Variants in TMIGD1 observed in about 807,000 individuals in gnomAD.
The protein encoded by TMIGD1 is transmembrane and immunoglobulin domain containing 1, also known as transmembrane and immunoglobulin domain-containing protein 1.
In TMIGD1, 29 loss-of-function variants were observed where a neutral mutation model predicts 27.5. That is an observed-to-expected ratio of 1.05 (90% confidence interval 0.78 to 1.44). TMIGD1 has a LOEUF of 1.44. Among genes scored for constraint, TMIGD1 ranks in the 40% most tolerant of loss-of-function variants. The pLI, the probability that TMIGD1 is intolerant of heterozygous loss-of-function variation, is 0.00. For missense variants in TMIGD1, 334 were observed against 310.6 expected (o/e 1.08, Z -0.57); for synonymous variants, 109 against 110.3 (o/e 0.99, Z 0.07).
In TMIGD1 at chr17:30,329,351, G is replaced by T; in HGVS notation, c.261C>A (p.Val87=). ...KSGNKINSSS[V]CVSSISENDN... ...CATTTTCACTGATGGAAGAGACACAGACAGAGCTGGAATTGATTTTGTTTC... is the reference window on the plus strand; with the variant it reads ...CATTTTCACTGATGGAAGAGACACATACAGAGCTGGAATTGATTTTGTTTC... Residue 87 remains valine (V), a synonymous_variant, in exon 3 of 7, where the codon GTC becomes GTA. Coordinates refer to ENST00000328886, the MANE Select transcript of TMIGD1 (RefSeq NM_206832.3). 6.2e-7 allele frequency: 1 copy of T among 1,614,110 alleles called. No homozygotes were observed. Among genetic ancestry groups the T allele is most frequent in the South Asian group, 1.1e-5 (1 of 91,064 alleles).
At position 30,329,493 on chromosome 17, in the gene TMIGD1, T is replaced by C. The variant is rs528830426; in HGVS notation, c.119A>G (p.Tyr40Cys). Residue 40 changes from tyrosine (Y) to cysteine (C), a missense_variant, in exon 3 of 7, where the codon TAT becomes TGT. Tyr to Cys is a radical substitution (Grantham distance 194). Transcript: ENST00000328886. ...GGAGCCAGGTGTAGTATCCAGGATA[T>C]AGTTCTCAGTTTTACCATTCACAGT... ...VLTVNGKTEN[Y>C]ILDTTPGSQA... 3.7e-6 allele frequency: 6 copies of C among 1,613,646 alleles called. No individual in the cohort carries two copies. The South Asian group carries it at 6.6e-5, about 18-fold the overall frequency.
chr17:30,331,849 A>T (rs1909989258), intron 2 of TMIGD1, among the ~76,000 whole-genome samples: 1 of 152,032 alleles, frequency 6.6e-6, no homozygotes, highest in Admixed American at 6.5e-5. Context: ...CGGCCTCCCA[A>T]AGTGTTGGGA....
At chr17:30,316,856 G>T in intron 6 of TMIGD1, 166 bp from the exon 7 acceptor site, 1 of 684,150 alleles carries the variant, frequency 1.5e-6, no homozygotes, top group Non-Finnish European at 2.5e-6. Flanking sequence ...GGCAGTATGG[G>T]GATGAATGTG....
At chr17:30,323,788 A>G (rs1385861225) in intron 4 of TMIGD1, among the ~76,000 whole-genome samples, 3 of 151,108 alleles carry the variant, frequency 2.0e-5, no homozygotes, top group African/African-American at 4.9e-5. Context: ...CACTGCTTCT[A>G]TCTCATGGGT....
At position 30,317,227 on chromosome 17, in the gene TMIGD1, T is replaced by C. The variant is rs761121853; in HGVS notation, c.751A>G (p.Met251Val). The C allele has an allele frequency of 5.6e-6, 9 of 1,613,938 alleles. No homozygotes were observed. The Admixed American group carries it at 1.0e-4, about 18-fold the overall frequency. ...TCACTGTGAGGGTCTTTATCCTTCATGCAGAGCTAAAAGCAAACATGGCAG... is the reference window on the plus strand; with the variant it reads ...TCACTGTGAGGGTCTTTATCCTTCACGCAGAGCTAAAAGCAAACATGGCAG... Reference protein sequence around the residue: ...ARRKKIMKLCMKDKDPHSETA... With the variant: ...ARRKKIMKLCVKDKDPHSETA... The change falls in exon 6 of 7, where the codon ATG (methionine) becomes GTG (valine). Residue 251 changes from methionine (M) to valine (V), a missense_variant. Transcript: ENST00000328886.
rs572495077 is a variant in TMIGD1 at position 30,317,207 on chromosome 17, G to C, written c.771C>G (p.His257Gln). 1.9e-5 allele frequency: 30 copies of C among 1,614,086 alleles called. 1 individual carries two copies. In the East Asian group the frequency reaches 6.7e-4, roughly 36 times the overall value. The change falls in exon 6 of 7, where the codon CAC becomes CAG. Residue 257 changes from histidine to glutamine, a missense_variant. His to Gln is a conservative substitution (Grantham distance 24). Transcript: ENST00000328886. Reference sequence around the variant, plus strand: ...AGAGTACTTACAGAGCTGTTTCACTGTGAGGGTCTTTATCCTTCATGCAGA... The same window carrying C: ...AGAGTACTTACAGAGCTGTTTCACTCTGAGGGTCTTTATCCTTCATGCAGA... ...MKLCMKDKDP[H>Q]SETAL
intron 2 of TMIGD1, 136 bp downstream of exon 2, chr17:30,331,916 C>T (rs929990979): frequency 1.5e-6 from 1 of 645,988 alleles, no homozygotes. Context: ...TTAGTTGACT[C>T]CTGTACTGTG....
chr17:30,318,014 G>T (rs1270163306), intron 5 of TMIGD1, among the ~76,000 whole-genome samples: 1 of 152,068 alleles, frequency 6.6e-6, no homozygotes, highest in Non-Finnish European at 1.5e-5. Flanking sequence ...GCTACAGTGA[G>T]CTGTGATCAA....
intron 4 of TMIGD1, among the ~76,000 whole-genome samples, chr17:30,319,157 A>C (rs1006983871): frequency 6.0e-5 from 9 of 150,436 alleles, no homozygotes; most frequent in Middle Eastern, 3.4e-3. Context: ...GAATCCCAGC[A>C]CTTTGGAAGG....
At chr17:30,320,118 A>G (rs775993358) in intron 4 of TMIGD1, among the ~76,000 whole-genome samples, 9 of 151,656 alleles carry the variant, frequency 5.9e-5, no homozygotes, top group Non-Finnish European at 1.2e-4. Flanking sequence ...GCTCACTGCA[A>G]TCTCTGCCTC....
chr17:30,325,382 T>C (rs1288647198), intron 3 of TMIGD1, among the ~76,000 whole-genome samples: 2 of 152,204 alleles, frequency 1.3e-5, no homozygotes, highest in Non-Finnish European at 2.9e-5. Flanking sequence ...TTTGTAACAC[T>C]ACCCAAGAGT....
chr17:30,329,276 G>A lies in TMIGD1; in HGVS notation c.336C>T (p.Ser112=), dbSNP rs865774164. The part of the protein sequence containing the change: ...TCRLGRDQSV[S]VSVVLNVTFP... The stretch of plus-strand genomic sequence containing the variant: ...AAGTAACATTCAGCACCACCGAAAC[G>A]GACACGGACTGATCCCTCCCCAGCC... The change falls in exon 3 of 7, where the codon TCC becomes TCT. Residue 112 remains serine, a synonymous_variant. Coordinates refer to ENST00000328886, the MANE Select transcript of TMIGD1 (RefSeq NM_206832.3). The A allele has an allele frequency of 1.9e-6, 3 of 1,613,760 alleles. No homozygotes were observed. The highest frequency in any genetic ancestry group is 2.2e-5 in the South Asian group (2 of 91,060).
At chr17:30,330,303 A>C (rs1260120966) in intron 2 of TMIGD1, among the ~76,000 whole-genome samples, 1 of 152,082 alleles carries the variant, frequency 6.6e-6, no homozygotes, top group African/African-American at 2.4e-5. Flanking sequence ...AGACAGGAAA[A>C]AACCCATATA....
intron 3 of TMIGD1, among the ~76,000 whole-genome samples, chr17:30,327,193 GC>G (rs1419528054): frequency 6.6e-6 from 1 of 152,198 alleles, no homozygotes; most frequent in East Asian, 1.9e-4. Context: ...TGGCATTTCT[GC>G]CATGTCTCCC....
intron 1 of TMIGD1, among the ~76,000 whole-genome samples, chr17:30,332,872 A>C: frequency 6.6e-6 from 1 of 152,164 alleles, no homozygotes; most frequent in East Asian, 1.9e-4. Flanking sequence ...AGCGAACCAC[A>C]TACGGAAAAC....
chr17:30,328,636 G>A (rs1909864755), intron 3 of TMIGD1, among the ~76,000 whole-genome samples: 1 of 152,002 alleles, frequency 6.6e-6, no homozygotes, highest in Admixed American at 6.6e-5. Flanking sequence ...TTTACACAAA[G>A]GTGAACACCC....
chr17:30,329,971 G>C (rs997737849), intron 2 of TMIGD1, among the ~76,000 whole-genome samples: 4 of 151,858 alleles, frequency 2.6e-5, no homozygotes, highest in Non-Finnish European at 5.9e-5. Context: ...CATACTTTTA[G>C]CTACTTGGGA....
chr17:30,329,167 A>G, intron 3 of TMIGD1, 84 bp downstream of exon 3: 1 of 1,526,962 alleles, frequency 6.5e-7, no homozygotes, highest in Non-Finnish European at 8.9e-7. Context: ...GCAATTTGGC[A>G]ATACCAAGAC....
Position 30,329,453 on chromosome 17 carries a change from T to C in TMIGD1, c.159A>G (p.Ile53Met). 1.2e-6 allele frequency: 2 copies of C among 1,614,176 alleles called. No individual in the cohort carries two copies. The highest frequency in any genetic ancestry group is 1.1e-5 in the South Asian group (1 of 91,080). ...CTCTGGTGTGGTTTTGAACAGCACA[T>C]ATCAGAGATGCTTGGGAGCCAGGTG... The part of the protein sequence containing the change: ...DTTPGSQASL[I>M]CAVQNHTREE... Residue 53 changes from isoleucine (I) to methionine (M), a missense_variant, in exon 3 of 7, where the codon ATA (isoleucine) becomes ATG (methionine). Transcript: ENST00000328886.
Sources: allele counts gnomAD v4.1 joint callset (sites outside exome capture counted in the v4.1 genomes callset), GRCh38; gene constraint gnomAD v4.1.1; transcripts MANE v1.5; gene names NCBI Gene and HGNC (gene_info 2026-07-23, HGNC 2026-07-21).